Variants in CIMIP6 observed in about 807,000 individuals in gnomAD.
CIMIP6 encodes the protein uncharacterized protein C2orf73.
At chr2:54,340,517 T>C in the CIMIP6 span, among the ~76,000 whole-genome samples, 1 of 152,216 alleles carries the variant, frequency 6.6e-6, no homozygotes, top group African/African-American at 2.4e-5. Context: ...CCAAACTTTT[T>C]AGGCATAAGG....
chr2:54,352,109 G>T, the CIMIP6 span, among the ~76,000 whole-genome samples: 1 of 152,044 alleles, frequency 6.6e-6, no homozygotes, highest in Non-Finnish European at 1.5e-5. Context: ...CACAACACTA[G>T]TATTTGATCA....
the CIMIP6 span, among the ~76,000 whole-genome samples, chr2:54,364,022 T>A: frequency 6.6e-6 from 1 of 152,196 alleles, no homozygotes; most frequent in African/African-American, 2.4e-5. Context: ...CTTTTCTGCA[T>A]TAAGATAAAA....
the CIMIP6 span, among the ~76,000 whole-genome samples, chr2:54,375,843 A>G: frequency 6.6e-5 from 10 of 151,916 alleles, no homozygotes; most frequent in Admixed American, 3.9e-4. Flanking sequence ...TATAGGTAGT[A>G]TGTTCCAATT....
the CIMIP6 span, among the ~76,000 whole-genome samples, chr2:54,359,267 T>C: frequency 2.6e-5 from 4 of 152,140 alleles, no homozygotes; most frequent in African/African-American, 9.7e-5. Flanking sequence ...GTGCCACCTG[T>C]AGTCCCAGCT....
chr2:54,370,968 C>G, the CIMIP6 span, among the ~76,000 whole-genome samples: 144 of 152,292 alleles, frequency 9.5e-4, no homozygotes, highest in African/African-American at 3.2e-3. Context: ...TCTGGTTGCT[C>G]CTTGTTTTCT....
At chr2:54,334,984 C>A in the CIMIP6 span, 4 of 1,604,698 alleles carry the variant, frequency 2.5e-6, no homozygotes, top group Non-Finnish European at 3.4e-6. Context: ...TACAATGAAC[C>A]ATTTCCCTAC....
chr2:54,338,982 C>G, the CIMIP6 span, among the ~76,000 whole-genome samples: 19 of 69,536 alleles, frequency 2.7e-4, 6 homozygotes, highest in South Asian at 4.4e-3. Context: ...AGACCCCCCC[C>G]CATCTCTACT....
chr2:54,376,000 T>C, the CIMIP6 span, among the ~76,000 whole-genome samples: 2 of 152,334 alleles, frequency 1.3e-5, no homozygotes, highest in East Asian at 3.8e-4. Flanking sequence ...TCTTCAATGT[T>C]GTTTAAAATT....
chr2:54,369,444 A>C, the CIMIP6 span, among the ~76,000 whole-genome samples: 1 of 152,204 alleles, frequency 6.6e-6, no homozygotes, highest in Non-Finnish European at 1.5e-5. Flanking sequence ...CCATGAAGCA[A>C]GAACAATTAG....
At chr2:54,372,864 C>A in the CIMIP6 span, among the ~76,000 whole-genome samples, 1 of 152,170 alleles carries the variant, frequency 6.6e-6, no homozygotes, top group Non-Finnish European at 1.5e-5. Flanking sequence ...AGCTAACTGG[C>A]ACTCTTGGTA....
the CIMIP6 span, among the ~76,000 whole-genome samples, chr2:54,370,154 C>T: frequency 3.9e-5 from 6 of 151,934 alleles, no homozygotes; most frequent in Non-Finnish European, 8.8e-5. Flanking sequence ...TCTCGGGAGG[C>T]TGAGGCAGGA....
chr2:54,382,832 C>A, the CIMIP6 span, among the ~76,000 whole-genome samples: 2 of 152,202 alleles, frequency 1.3e-5, no homozygotes, highest in Non-Finnish European at 2.9e-5. Context: ...AATATGTTCA[C>A]AAATTCTTTG....
the CIMIP6 span, among the ~76,000 whole-genome samples, chr2:54,375,645 A>G: frequency 2.0e-5 from 3 of 152,250 alleles, no homozygotes; most frequent in Non-Finnish European, 4.4e-5. Flanking sequence ...AAACAAGAGC[A>G]TATTTACAAG....
the CIMIP6 span, among the ~76,000 whole-genome samples, chr2:54,334,648 A>T: frequency 6.6e-6 from 1 of 152,226 alleles, no homozygotes; most frequent in South Asian, 2.1e-4. Context: ...ATGATTTAGA[A>T]TTAGAAAATG....
the CIMIP6 span, among the ~76,000 whole-genome samples, chr2:54,367,175 T>A: frequency 1.3e-5 from 2 of 152,104 alleles, no homozygotes; most frequent in East Asian, 1.9e-4. Context: ...AACATTTATA[T>A]TAAATCTAGA....
the CIMIP6 span, among the ~76,000 whole-genome samples, chr2:54,352,817 A>G: frequency 2.6e-5 from 4 of 152,304 alleles, no homozygotes; most frequent in Admixed American, 2.6e-4. Context: ...AATAGTTGTT[A>G]TCGTGTTTTT....
the CIMIP6 span, among the ~76,000 whole-genome samples, chr2:54,333,841 G>C: frequency 4.6e-5 from 7 of 152,170 alleles, no homozygotes; most frequent in East Asian, 9.7e-4. Context: ...TGCAGTGAGC[G>C]GAGATAGCAC....
At chr2:54,372,786 T>C in the CIMIP6 span, among the ~76,000 whole-genome samples, 1 of 152,194 alleles carries the variant, frequency 6.6e-6, no homozygotes, top group Admixed American at 6.5e-5. Flanking sequence ...GAGGGACAAG[T>C]CATACCTACT....
the CIMIP6 span, among the ~76,000 whole-genome samples, chr2:54,369,451 T>G: frequency 2.4e-3 from 373 of 152,254 alleles, 1 homozygote; most frequent in Non-Finnish European, 4.2e-3. Context: ...GCAAGAACAA[T>G]TAGAGCAACT....
Sources: allele counts gnomAD v4.1 joint callset (sites outside exome capture counted in the v4.1 genomes callset), GRCh38; gene constraint gnomAD v4.1.1; transcripts MANE v1.5; gene names NCBI Gene and HGNC (gene_info 2026-07-23, HGNC 2026-07-21).